Variants in OSTF1 observed in about 807,000 individuals in gnomAD.
OSTF1 encodes osteoclast-stimulating factor 1.
OSTF1 carries 27 observed loss-of-function variants against 37.2 expected under a neutral mutation model. That is an observed-to-expected ratio of 0.73 (90% CI 0.54 to 1.00). OSTF1 has a LOEUF of 1.00. Among genes scored for constraint, OSTF1 ranks in the 50% least tolerant of loss-of-function variants. The probability of loss-of-function intolerance (pLI) is 0.00; values close to 1 mark genes in which losing one functional copy is unlikely to be tolerated. For synonymous variants in OSTF1, 82 were observed against 89.2 expected (o/e 0.92, Z 0.46); for missense variants, 232 against 253.8 (o/e 0.91, Z 0.58).
intron 2 of OSTF1, among the ~76,000 whole-genome samples, chr9:75,124,457 G>A (rs1258752909): frequency 1.3e-5 from 2 of 152,046 alleles, no homozygotes; most frequent in African/African-American, 4.8e-5. Flanking sequence ...GTAGCCATAC[G>A]TCTGCTCTCT....
intron 1 of OSTF1, among the ~76,000 whole-genome samples, chr9:75,116,303 C>T (rs78121922): frequency 0.038 from 5,722 of 152,122 alleles, 152 homozygotes; most frequent in African/African-American, 0.069. Context: ...TGGTATCCAT[C>T]GTGGTTCTAG....
intron 3 of OSTF1, among the ~76,000 whole-genome samples, chr9:75,128,692 G>T (rs1825716678): frequency 6.8e-6 from 1 of 146,074 alleles, no homozygotes; most frequent in Admixed American, 7.0e-5. Flanking sequence ...GGGAAATGTA[G>T]GTATTGCTAA....
intron 5 of OSTF1, among the ~76,000 whole-genome samples, chr9:75,132,784 T>A (rs1287282565): frequency 6.6e-6 from 1 of 152,206 alleles, no homozygotes; most frequent in Non-Finnish European, 1.5e-5. Context: ...GGATTTTAAA[T>A]TAATAGTTAT....
At chr9:75,105,886 C>T (rs1825274867) in intron 1 of OSTF1, among the ~76,000 whole-genome samples, 1 of 152,058 alleles carries the variant, frequency 6.6e-6, no homozygotes, top group African/African-American at 2.4e-5. Context: ...AGGTATGGCC[C>T]ATCAAGATGT....
chr9:75,120,023 A>G (rs547499129), intron 2 of OSTF1, among the ~76,000 whole-genome samples: 3 of 152,172 alleles, frequency 2.0e-5, no homozygotes, highest in Admixed American at 1.3e-4. Context: ...ACCTCATTTT[A>G]ACTTAGTTAA....
chr9:75,140,552 C>T (rs1825924582), intron 8 of OSTF1, among the ~76,000 whole-genome samples: 1 of 152,156 alleles, frequency 6.6e-6, no homozygotes, highest in African/African-American at 2.4e-5. Flanking sequence ...AAGTCAAGCC[C>T]CACAGGGACC....
chr9:75,123,132 CAAAG>C (rs1301105073), intron 2 of OSTF1, among the ~76,000 whole-genome samples: 1 of 152,182 alleles, frequency 6.6e-6, no homozygotes, highest in African/African-American at 2.4e-5. Flanking sequence ...AGTTAAAAAA[CAAAG>C]AAAGGCCGGG....
intron 2 of OSTF1, among the ~76,000 whole-genome samples, chr9:75,123,379 G>T (rs1050689098): frequency 1.3e-5 from 2 of 152,286 alleles, no homozygotes; most frequent in South Asian, 4.1e-4. Context: ...AGCCGAGATC[G>T]TGCCACTGCA....
chr9:75,104,935 G>T (rs916500387), intron 1 of OSTF1, among the ~76,000 whole-genome samples: 3 of 152,138 alleles, frequency 2.0e-5, no homozygotes, highest in Non-Finnish European at 4.4e-5. Flanking sequence ...AGTTTCCCCA[G>T]CTATAAAATA....
Position 75,140,871 on chromosome 9 carries a change from G to C in OSTF1, c.525G>C (p.Leu175=), listed in dbSNP as rs556301254. ...ACTTAAGAAACATTGAGAAGAAGCT[G>C]GCCTTCGACATGGCTACCAATGCTG... is the stretch of plus-strand genomic sequence containing the variant. ...RTDLRNIEKK[L]AFDMATNAAC... The change falls in exon 9 of 10, where the codon CTG becomes CTC. Residue 175 remains leucine, a synonymous_variant. Transcript: ENST00000346234. 1 of 1,613,764 alleles carries C rather than the reference G, an allele frequency of 6.2e-7. No homozygotes were observed. The highest frequency in any genetic ancestry group is 2.2e-5 in the East Asian group (1 of 44,864).
intron 2 of OSTF1, among the ~76,000 whole-genome samples, chr9:75,123,682 T>C (rs115569498): frequency 0.037 from 5,653 of 152,312 alleles, 138 homozygotes; most frequent in African/African-American, 0.067. Context: ...TGTGAAGAAT[T>C]TGGTACTTAG....
chr9:75,091,031 G>T (rs1296604764), intron 1 of OSTF1, among the ~76,000 whole-genome samples: 4 of 151,600 alleles, frequency 2.6e-5, no homozygotes, highest in East Asian at 3.9e-4. Flanking sequence ...TAGAGTGGGG[G>T]ATGTAGCAGG....
At chr9:75,129,810 A>T (rs914904841) in intron 3 of OSTF1, among the ~76,000 whole-genome samples, 4 of 152,220 alleles carry the variant, frequency 2.6e-5, no homozygotes, top group Non-Finnish European at 5.9e-5. Flanking sequence ...ATCATATTGT[A>T]TAGCCCTTAT....
chr9:75,107,731 C>G (rs946842652), intron 1 of OSTF1, among the ~76,000 whole-genome samples: 9 of 152,132 alleles, frequency 5.9e-5, no homozygotes, highest in Non-Finnish European at 1.3e-4. Context: ...GAGGGGAACA[C>G]AGAAGTTCGC....
chr9:75,107,676 TTTTC>T (rs1825312748), intron 1 of OSTF1, among the ~76,000 whole-genome samples: 3 of 152,228 alleles, frequency 2.0e-5, no homozygotes, highest in Non-Finnish European at 4.4e-5. Context: ...AGATATGTAT[TTTTC>T]TTGATAACCC....
chr9:75,128,784 A>C (rs768923903), intron 3 of OSTF1, among the ~76,000 whole-genome samples: 26 of 151,380 alleles, frequency 1.7e-4, no homozygotes, highest in Non-Finnish European at 3.8e-4. Flanking sequence ...TTTTCAGCAT[A>C]GCAAAAAGGA....
chr9:75,115,876 G>A (rs1395274142), intron 1 of OSTF1, among the ~76,000 whole-genome samples: 2 of 151,988 alleles, frequency 1.3e-5, no homozygotes, highest in African/African-American at 4.8e-5. Flanking sequence ...GTCTCAGGCA[G>A]GCAGATCGCT....
At chr9:75,137,977 C>T (rs966286279) in intron 8 of OSTF1, among the ~76,000 whole-genome samples, 2 of 152,144 alleles carry the variant, frequency 1.3e-5, no homozygotes, top group African/African-American at 4.8e-5. Flanking sequence ...GTTGCTGAGG[C>T]CCCTGTTCTC....
At chr9:75,101,317 A>G (rs1299895359) in intron 1 of OSTF1, among the ~76,000 whole-genome samples, 3 of 152,198 alleles carry the variant, frequency 2.0e-5, no homozygotes, top group Non-Finnish European at 2.9e-5. Flanking sequence ...GCTCTTAGGA[A>G]CACAACACCA....
Sources: allele counts gnomAD v4.1 joint callset (sites outside exome capture counted in the v4.1 genomes callset), GRCh38; gene constraint gnomAD v4.1.1; transcripts MANE v1.5; gene names NCBI Gene and HGNC (gene_info 2026-07-23, HGNC 2026-07-21).